The following ATP2C2 variants were observed in gnomAD, a reference collection of about 807,000 sequenced individuals.
The protein encoded by ATP2C2 is ATPase secretory pathway Ca2+ transporting 2.
A neutral mutation model predicts 110.8 loss-of-function variants in ATP2C2; 171 were observed. That is an observed-to-expected ratio of 1.54 (90% confidence interval 1.36 to 1.75). The LOEUF (loss-of-function observed/expected upper bound fraction) is 1.75. Among genes scored for constraint, ATP2C2 ranks in the 40% most tolerant of loss-of-function variants. The pLI is 0.00. For synonymous variants in ATP2C2, 804 were observed against 508.4 expected (o/e 1.58, Z -7.82); for missense variants, 1,963 against 1,235.0 (o/e 1.59, Z -8.84).
In ATP2C2 at chr16:84,455,118, G is replaced by T. The variant is rs1048435605; in HGVS notation, c.2147+134G>T. ...CAGGGAGAGCTGAATCTCGGGGCTCGTCAGTGTGGCAGGTGCCCCCAACCC... is the reference window on the plus strand; with the variant it reads ...CAGGGAGAGCTGAATCTCGGGGCTCTTCAGTGTGGCAGGTGCCCCCAACCC... On this transcript the variant is annotated intron_variant, in intron 21 of 26. Transcript: ENST00000262429. 3.3e-6 allele frequency: 4 copies of T among 1,201,284 alleles called. No individual in the cohort carries two copies. In the African/African-American group the frequency reaches 4.6e-5, roughly 14 times the overall value. 74.4% of individuals were successfully genotyped at this position (1,201,284 alleles called of 1,614,324 possible). A position where few individuals can be genotyped will look rare whatever the true frequency, so the allele number is the denominator to read the frequency against.
At chr16:84,390,815 A>C (rs1333643586) in intron 1 of ATP2C2, among the ~76,000 whole-genome samples, 1 of 152,120 alleles carries the variant, frequency 6.6e-6, no homozygotes, top group Non-Finnish European at 1.5e-5. Context: ...TAAAAAGGGA[A>C]ACACAAAAGA....
chr16:84,400,519 G>A (rs900442276), intron 2 of ATP2C2, among the ~76,000 whole-genome samples: 6 of 152,002 alleles, frequency 3.9e-5, no homozygotes, highest in African/African-American at 1.4e-4. Flanking sequence ...AGTAGAGACG[G>A]GGTTTCACCG....
intron 2 of ATP2C2, among the ~76,000 whole-genome samples, chr16:84,402,598 T>A (rs1218396893): frequency 1.3e-5 from 2 of 152,196 alleles, no homozygotes; most frequent in Non-Finnish European, 2.9e-5. Context: ...TGTGTCACAT[T>A]AATTTGTGTA....
chr16:84,449,341 G>A (rs1026308180), intron 17 of ATP2C2, among the ~76,000 whole-genome samples: 1 of 152,258 alleles, frequency 6.6e-6, no homozygotes, highest in African/African-American at 2.4e-5. Flanking sequence ...GCTTTCTGGG[G>A]CACAGTGAAG....
At chr16:84,408,643 CCTT>C in intron 4 of ATP2C2, 149 bp downstream of exon 4, 1 of 635,124 alleles carries the variant, frequency 1.6e-6, no homozygotes, top group Non-Finnish European at 2.7e-6. Context: ...AAATCCACAT[CCTT>C]CTTTACCCTA....
At chr16:84,443,315 C>T (rs553336033) in intron 15 of ATP2C2, among the ~76,000 whole-genome samples, 4 of 152,302 alleles carry the variant, frequency 2.6e-5, no homozygotes, top group Admixed American at 6.5e-5. Flanking sequence ...GGCCACTTGG[C>T]CTGGGTCCCT....
intron 3 of ATP2C2, 78 bp from the exon 4 acceptor site, chr16:84,408,327 C>G: frequency 7.1e-7 from 1 of 1,404,712 alleles, no homozygotes; most frequent in Non-Finnish European, 1.0e-6. Context: ...CCCTGTCACA[C>G]AAACTTCTGC....
chr16:84,403,672 C>T (rs1460828145), intron 2 of ATP2C2, among the ~76,000 whole-genome samples: 1 of 152,058 alleles, frequency 6.6e-6, no homozygotes, highest in Non-Finnish European at 1.5e-5. Context: ...ACAACCATCG[C>T]CATTCTCTAT....
intron 1 of ATP2C2, among the ~76,000 whole-genome samples, chr16:84,384,736 C>T (rs1340101771): frequency 6.6e-6 from 1 of 152,138 alleles, no homozygotes; most frequent in Non-Finnish European, 1.5e-5. Context: ...CTACATTAGT[C>T]CCTTCTCACA....
In ATP2C2 at chr16:84,442,539, C is replaced by G. The variant is rs1336351960; in HGVS notation, c.1341C>G (p.Ile447Met). The G allele has an allele frequency of 6.2e-7, 1 of 1,613,968 alleles. No homozygotes were observed. Among genetic ancestry groups the G allele is most frequent in the Non-Finnish European group, 8.5e-7 (1 of 1,179,990 alleles). ...EAGCVANNAV[I>M]RKNAVMGQPT... ...GCTGTGTTGCCAACAATGCGGTCAT[C>G]AGAAAGAACGCCGTGATGGGGCAGC... is the stretch of plus-strand genomic sequence containing the variant. Residue 447 changes from isoleucine to methionine, a missense_variant, in exon 15 of 27, where the codon ATC (isoleucine) becomes ATG (methionine). Ile to Met is a conservative substitution (Grantham distance 10). Transcript: ENST00000262429.
intron 11 of ATP2C2, among the ~76,000 whole-genome samples, chr16:84,437,659 G>T (rs559472432): frequency 4.6e-4 from 70 of 152,306 alleles, no homozygotes; most frequent in African/African-American, 1.4e-3. Context: ...GGGATTACAG[G>T]TGCATGCCAC....
At chr16:84,383,309 G>A (rs1368541132) in intron 1 of ATP2C2, among the ~76,000 whole-genome samples, 9 of 152,294 alleles carry the variant, frequency 5.9e-5, no homozygotes, top group South Asian at 2.1e-4. Context: ...CTCACCTGCC[G>A]TGACCTTGGG....
At chr16:84,412,442 ATGTG>A (rs1369241341) in intron 6 of ATP2C2, among the ~76,000 whole-genome samples, 2 of 131,418 alleles carry the variant, frequency 1.5e-5, no homozygotes, top group Admixed American at 1.6e-4. Flanking sequence ...GTGTGTATGC[ATGTG>A]TGTGTCTGTG....
At chr16:84,426,003 G>A (rs1366537987) in intron 11 of ATP2C2, 5 of 598,078 alleles carry the variant, frequency 8.4e-6, no homozygotes, top group Middle Eastern at 4.6e-4. Flanking sequence ...ATGAATGACA[G>A]CAAATGATCC....
At chr16:84,423,367 A>G (rs1278534427) in intron 10 of ATP2C2, 104 bp downstream of exon 10, 3 of 1,107,996 alleles carry the variant, frequency 2.7e-6, no homozygotes, top group East Asian at 2.4e-5. Context: ...ACTCAGCTGC[A>G]TAAGGCTTGG....
chr16:84,453,080 G>C, intron 18 of ATP2C2, 58 bp from the exon 19 acceptor site: 2 of 1,527,678 alleles, frequency 1.3e-6, no homozygotes, highest in South Asian at 1.2e-5. Flanking sequence ...GTGGGGCCGG[G>C]AGTGAGGGGT....
chr16:84,449,731 C>A (rs1006161129), intron 17 of ATP2C2, among the ~76,000 whole-genome samples: 1 of 152,208 alleles, frequency 6.6e-6, no homozygotes, highest in Non-Finnish European at 1.5e-5. Context: ...GATTGGGAGA[C>A]AATCTGGCAC....
At chr16:84,431,051 T>C (rs138780743) in intron 11 of ATP2C2, among the ~76,000 whole-genome samples, 52 of 152,216 alleles carry the variant, frequency 3.4e-4, no homozygotes, top group Non-Finnish European at 6.2e-4. Flanking sequence ...ACATCAAAAG[T>C]GCTGATCCAG....
In ATP2C2 at chr16:84,461,819, C is replaced by G; in HGVS notation, c.2580+7C>G. 1 of 1,612,576 alleles carries G rather than the reference C, an allele frequency of 6.2e-7. No individual in the cohort carries two copies. The highest frequency in any genetic ancestry group is 2.2e-5 in the East Asian group (1 of 44,874). On this transcript the variant is annotated splice_region_variant and intron_variant, in intron 25 of 26. Transcript: ENST00000262429. ...CTTGACCTGCCGCTCTCAGGTGAGACCCGGGCTGACCCTCCTCGCTGCAGA... is the reference window on the plus strand; with the variant it reads ...CTTGACCTGCCGCTCTCAGGTGAGAGCCGGGCTGACCCTCCTCGCTGCAGA...
Sources: allele counts gnomAD v4.1 joint callset (sites outside exome capture counted in the v4.1 genomes callset), GRCh38; gene constraint gnomAD v4.1.1; transcripts MANE v1.5; gene names NCBI Gene and HGNC (gene_info 2026-07-23, HGNC 2026-07-21).